Variants in FBXO41 observed in about 807,000 individuals in gnomAD.
The protein encoded by FBXO41 is F-box protein 41.
FBXO41 carries 33 observed loss-of-function variants against 81.6 expected under a neutral mutation model. That is an observed-to-expected ratio of 0.40 (90% CI 0.31 to 0.54). The LOEUF is 0.54. FBXO41 is among the 20% of genes least tolerant of loss of function. FBXO41 has a pLI of 0.39. For missense variants in FBXO41, 1,107 were observed against 1,236.0 expected, an observed-to-expected ratio of 0.90 and a Z score of 1.56; for synonymous variants, 576 against 552.7, an observed-to-expected ratio of 1.04 and a Z score of -0.59.
chr2:73,281,043 C>T (rs1212261765), intron 1 of FBXO41, among the ~76,000 whole-genome samples: 1 of 152,162 alleles, frequency 6.6e-6, no homozygotes. Flanking sequence ...GAGGTAAGAG[C>T]TTGCTGTGTC....
rs1351158591 is a variant in FBXO41, at chr2:73,269,300, G to A, written c.331C>T (p.His111Tyr). The A allele has an allele frequency of 4.6e-6, 7 of 1,530,468 alleles. No individual in the cohort carries two copies. Among genetic ancestry groups the A allele is most frequent in the Non-Finnish European group, 6.1e-6 (7 of 1,138,884 alleles). The allele number at this position is 1,530,468 out of a possible 1,614,324, so 94.8% of individuals were successfully genotyped here. A position where few individuals can be genotyped will look rare whatever the true frequency, so the allele number is the denominator to read the frequency against. The change falls in exon 2 of 13, where the codon CAC (histidine) becomes TAC (tyrosine). Residue 111 changes from histidine to tyrosine, a missense_variant. By Grantham distance (83) the His-to-Tyr change is moderately conservative. Around this residue, in one of 2 missense-constraint regions of FBXO41, gnomAD observed 771 missense variants for 789.2 expected, o/e 0.98. Coordinates refer to ENST00000520530, the MANE Select transcript of FBXO41 (RefSeq NM_001371389.2). The surrounding 1 kb of genome is among the most constrained non-coding windows in gnomAD (Gnocchi z 7.0). ...GGGAAGTGGGCGAGGGGAGCGTGGT[G>A]ATGGTGGTGGTGCAGCAGGTGCGGC... Reference protein sequence around the residue: ...AAPHLLHHHHHHAPLAHFPGD... With the variant: ...AAPHLLHHHHYHAPLAHFPGD...
chr2:73,263,869 T>G, intron 7 of FBXO41, 39 bp from the exon 8 acceptor site: 3 of 1,613,988 alleles, frequency 1.9e-6, no homozygotes, highest in Non-Finnish European at 2.5e-6. Flanking sequence ...GGCAACCTCC[T>G]CCTCTGGGAA....
intron 9 of FBXO41, among the ~76,000 whole-genome samples, chr2:73,261,988 C>T (rs113595883): frequency 1.6e-4 from 25 of 152,228 alleles, no homozygotes; most frequent in South Asian, 4.2e-4. Context: ...TTTGGGAGGC[C>T]GAGGCGGGCA....
At position 73,284,298 on chromosome 2, in the gene FBXO41, C is replaced by A. The variant is rs1020097243; in HGVS notation, c.-277G>T. On this transcript the variant is annotated 5_prime_UTR_variant, in exon 1 of 13. Coordinates refer to ENST00000520530, the MANE Select transcript of FBXO41 (RefSeq NM_001371389.2). The surrounding 1 kb of genome is among the most constrained non-coding windows in gnomAD (Gnocchi z 7.4). ...CCTCCGCAGCCTTGGGTGGCCGCCG[C>A]GGCTAGCGCCCCCGCCTCCCTCTCG... 6.6e-6 allele frequency: 1 copy of A among 152,042 alleles called. No homozygotes were observed. The highest frequency in any genetic ancestry group is 2.4e-5 in the African/African-American group (1 of 41,432). 9.4% of individuals were successfully genotyped at this position (152,042 alleles called of 1,614,324 possible). A position where few individuals can be genotyped will look rare whatever the true frequency, so the allele number is the denominator to read the frequency against.
chr2:73,269,085 CCCGGGGCAAGGGCCGGGG>C lies in FBXO41; in HGVS notation c.528_545del (p.Gly178_Pro183del), dbSNP rs970115209. The C allele has an allele frequency of 9.9e-6, 15 of 1,508,990 alleles. No homozygotes were observed. In the Admixed American group the frequency reaches 2.8e-4, roughly 28 times the overall value. 93.5% of individuals were successfully genotyped at this position (1,508,990 alleles called of 1,614,324 possible). Reference sequence around the variant, plus strand: ...GGGACGCGGGCGAAGCGGAGGCAGGCCCGGGGCAAGGGCCGGGGCCGGGGCCAGGCGGCGGCGTCGAGC... The same window carrying C: ...GGGACGCGGGCGAAGCGGAGGCAGGCCCGGGGCCAGGCGGCGGCGTCGAGC... On this transcript the variant is annotated inframe_deletion, in exon 2 of 13. Coordinates refer to ENST00000520530, the MANE Select transcript of FBXO41 (RefSeq NM_001371389.2). This position sits in a 1 kb window ranked among gnomAD's most constrained non-coding sequence, Gnocchi z 7.0.
rs990867949 is a variant in FBXO41, at chr2:73,277,441, T to C, written c.-139+6719A>G. On this transcript the variant is annotated intron_variant, in intron 1 of 12. Coordinates refer to ENST00000520530, the MANE Select transcript of FBXO41 (RefSeq NM_001371389.2). ...TACTATGAGCACCATGACAGAACAG[T>C]TGAAGATTTTCCTTTGCATTCTTGT... Among the ~76,000 whole-genome samples, 46 of 152,154 alleles carry C rather than the reference T, an allele frequency of 3.0e-4. 2 individuals carry two copies. Among genetic ancestry groups the C allele is most frequent in the Non-Finnish European group, 1.5e-5 (1 of 68,018 alleles).
intron 1 of FBXO41, among the ~76,000 whole-genome samples, chr2:73,276,099 C>CT (rs958401233): frequency 4.1e-5 from 6 of 145,098 alleles, no homozygotes; most frequent in Non-Finnish European, 6.1e-5. Flanking sequence ...ATTTAACTTT[C>CT]TTTTTTTTTA....
In FBXO41 at chr2:73,257,645, C is replaced by CT. The variant is rs775297383; in HGVS notation, c.*1336dup. 2.0e-5 allele frequency: 3 copies of CT among 152,332 alleles called. No homozygotes were observed. The highest frequency in any genetic ancestry group is 2.4e-5 in the African/African-American group (1 of 41,468). 9.4% of individuals were successfully genotyped at this position (152,332 alleles called of 1,614,324 possible). On this transcript the variant is annotated 3_prime_UTR_variant, in exon 13 of 13. Coordinates refer to ENST00000520530, the MANE Select transcript of FBXO41 (RefSeq NM_001371389.2). This position sits in a 1 kb window ranked among gnomAD's most constrained non-coding sequence, Gnocchi z 4.6. ...TGAAAGTTGGCAGGACCCCCGGCCT[C>CT]TGAGCTACTGTGGGAGTTCTGAGAG...
chr2:73,276,557 AT>A (rs1688685447), intron 1 of FBXO41, among the ~76,000 whole-genome samples: 3 of 144,318 alleles, frequency 2.1e-5, no homozygotes, highest in African/African-American at 8.0e-5. Context: ...TGGCAAATCT[AT>A]TCAGAGAGAG....
intron 1 of FBXO41, among the ~76,000 whole-genome samples, chr2:73,282,754 C>G (rs1205955127): frequency 6.6e-6 from 1 of 150,974 alleles, no homozygotes; most frequent in Admixed American, 6.6e-5. Flanking sequence ...TTTAGGCATT[C>G]CTAAATCTAG....
At position 73,277,450 on chromosome 2, in the gene FBXO41, T is replaced by C. The variant is rs539290318; in HGVS notation, c.-139+6710A>G. ...CACCATGACAGAACAGTTGAAGATT[T>C]TCCTTTGCATTCTTGTGTCCCCAAA... On this transcript the variant is annotated intron_variant, in intron 1 of 12. Transcript: ENST00000520530. Among the ~76,000 whole-genome samples the C allele has an allele frequency of 1.6e-4, 24 of 152,270 alleles. No individual in the cohort carries two copies. In the South Asian group the frequency reaches 5.0e-3, roughly 32 times the overall value.
At position 73,258,757 on chromosome 2, in the gene FBXO41, G is replaced by A. The variant is rs753684556; in HGVS notation, c.*225C>T. On this transcript the variant is annotated 3_prime_UTR_variant, in exon 13 of 13. Transcript: ENST00000520530. ...CTCCAGCCGGGGTAGGGTGGGGGTCGGAGGGCAGCTTCTGTCCAAGCCCCT... is the reference window on the plus strand; with the variant it reads ...CTCCAGCCGGGGTAGGGTGGGGGTCAGAGGGCAGCTTCTGTCCAAGCCCCT... The A allele has an allele frequency of 3.4e-4, 163 of 485,330 alleles. No individual in the cohort carries two copies. Among genetic ancestry groups the A allele is most frequent in the Middle Eastern group, 1.1e-3 (2 of 1,866 alleles). 30.1% of individuals were successfully genotyped at this position (485,330 alleles called of 1,614,324 possible). A position where few individuals can be genotyped will look rare whatever the true frequency, so the allele number is the denominator to read the frequency against.
Position 73,269,085 on chromosome 2 carries a change from CCCGGGGCAAGGG to C in FBXO41, c.534_545del (p.Cys180_Pro183del), listed in dbSNP as rs768809548. The C allele has an allele frequency of 2.0e-5, 30 of 1,508,884 alleles. 1 individual carries two copies. In the Admixed American group the frequency reaches 3.9e-4, roughly 20 times the overall value. The allele number at this position is 1,508,884 out of a possible 1,614,324, so 93.5% of individuals were successfully genotyped here. A position where few individuals can be genotyped will look rare whatever the true frequency, so the allele number is the denominator to read the frequency against. ...GGGACGCGGGCGAAGCGGAGGCAGG[CCCGGGGCAAGGG>C]CCGGGGCCGGGGCCAGGCGGCGGCG... On this transcript the variant is annotated inframe_deletion, in exon 2 of 13. Transcript: ENST00000520530. The surrounding 1 kb of genome is among the most constrained non-coding windows in gnomAD (Gnocchi z 7.0).
chr2:73,274,379 A>C (rs879376823), intron 1 of FBXO41, among the ~76,000 whole-genome samples: 2 of 152,224 alleles, frequency 1.3e-5, no homozygotes, highest in Non-Finnish European at 2.9e-5. Context: ...GATTTACAAA[A>C]GCTTTTAATA....
In FBXO41 at chr2:73,266,243, G is replaced by A. The variant is rs1236864579; in HGVS notation, c.1131+214C>T. On this transcript the variant is annotated intron_variant, in intron 3 of 12. Coordinates refer to ENST00000520530, the MANE Select transcript of FBXO41 (RefSeq NM_001371389.2). The surrounding 1 kb of genome is among the most constrained non-coding windows in gnomAD (Gnocchi z 5.3). ...GGCAGAGATAGCCCCCGAGGGCTGGGGCCACCGAATCACATCTCACTACAG... is the reference window on the plus strand; with the variant it reads ...GGCAGAGATAGCCCCCGAGGGCTGGAGCCACCGAATCACATCTCACTACAG... Among the ~76,000 whole-genome samples, 1 of 152,138 alleles carries A rather than the reference G, an allele frequency of 6.6e-6. No individual in the cohort carries two copies. Among genetic ancestry groups the A allele is most frequent in the Non-Finnish European group, 1.5e-5 (1 of 67,998 alleles).
intron 2 of FBXO41, among the ~76,000 whole-genome samples, chr2:73,267,256 G>A (rs143845492): frequency 0.017 from 2,614 of 152,210 alleles, 110 homozygotes; most frequent in Admixed American, 0.088. Flanking sequence ...TCCAGCTTGG[G>A]CATGTGCTTA....
In FBXO41 at chr2:73,258,763, C is replaced by T. The variant is rs923857854; in HGVS notation, c.*219G>A. 1.2e-5 allele frequency: 6 copies of T among 498,958 alleles called. No individual in the cohort carries two copies. Among genetic ancestry groups the T allele is most frequent in the African/African-American group, 7.7e-5 (4 of 51,846 alleles). 30.9% of individuals were successfully genotyped at this position (498,958 alleles called of 1,614,324 possible). A position where few individuals can be genotyped will look rare whatever the true frequency, so the allele number is the denominator to read the frequency against. On this transcript the variant is annotated 3_prime_UTR_variant, in exon 13 of 13. Transcript: ENST00000520530. ...CCGGGGTAGGGTGGGGGTCGGAGGG[C>T]AGCTTCTGTCCAAGCCCCTGTACTG...
rs779616735 is a variant in FBXO41, at chr2:73,265,397, C to G, written c.1449G>C (p.Glu483Asp). ...GGGAGCCAACGTCGGAGACATCACC[C>G]TCTTCCCCCTCAGTGCTGTGTCGGC... Reference protein sequence around the residue: ...RPRRHSTEGEEGDVSDVGSRT... With the variant: ...RPRRHSTEGEDGDVSDVGSRT... Residue 483 changes from glutamate (E) to aspartate (D), a missense_variant, in exon 5 of 13, where the codon GAG becomes GAC. This residue lies in a region of FBXO41 where 771 missense variants were observed against 789.2 expected (regional missense o/e 0.98). Coordinates refer to ENST00000520530, the MANE Select transcript of FBXO41 (RefSeq NM_001371389.2). 6.2e-7 allele frequency: 1 copy of G among 1,611,136 alleles called. No individual in the cohort carries two copies. Among genetic ancestry groups the G allele is most frequent in the Non-Finnish European group, 8.5e-7 (1 of 1,179,740 alleles).
In FBXO41 at chr2:73,255,074, C is replaced by T. The variant is rs1378464167; in HGVS notation, c.*3908G>A. On this transcript the variant is annotated 3_prime_UTR_variant, in exon 13 of 13. Coordinates refer to ENST00000520530, the MANE Select transcript of FBXO41 (RefSeq NM_001371389.2). ...TGCCCACTAGAACCAAGCCTGCTGG[C>T]ATCAGCCACAAAGCAAGCCTGGGTC... 2 of 152,778 alleles carry T rather than the reference C, an allele frequency of 1.3e-5. No homozygotes were observed. Among genetic ancestry groups the T allele is most frequent in the African/African-American group, 4.8e-5 (2 of 41,476 alleles). The allele number at this position is 152,778 out of a possible 1,614,324, so 9.5% of individuals were successfully genotyped here. A position where few individuals can be genotyped will look rare whatever the true frequency, so the allele number is the denominator to read the frequency against.
Sources: gnomAD v4.1 joint callset for allele counts (sites outside exome capture counted in the v4.1 genomes callset) on GRCh38, gnomAD v4.1.1 for gene constraint, gnomAD v4.1.1 regional missense constraint, Gnocchi (gnomAD v3.1) non-coding constraint, MANE v1.5 for transcripts, NCBI Gene and HGNC (gene_info 2026-07-23, HGNC 2026-07-21) for gene names.